Variants in KLHL32 observed in about 807,000 individuals in gnomAD.
The protein encoded by KLHL32 is kelch like family member 32, also known as kelch-like protein 32.
KLHL32 carries 35 observed loss-of-function variants against 64.8 expected under a neutral mutation model. That is an observed-to-expected ratio of 0.54 (90% CI 0.41 to 0.72). The LOEUF is 0.72. Ranked by LOEUF, KLHL32 falls within the 30% of genes least tolerant of loss-of-function variation. The pLI is 0.00. For missense variants in KLHL32, 589 were observed against 768.5 expected, an observed-to-expected ratio of 0.77 and a Z score of 2.76; for synonymous variants, 259 against 281.0, an observed-to-expected ratio of 0.92 and a Z score of 0.78.
intron 6 of KLHL32, among the ~76,000 whole-genome samples, chr6:97,089,483 A>G (rs1793898590): frequency 6.6e-6 from 1 of 152,210 alleles, no homozygotes; most frequent in Non-Finnish European, 1.5e-5. Context: ...ATTTTGTAAG[A>G]ACAGTCCTTT....
chr6:97,075,993 T>C (rs2128168649), intron 5 of KLHL32, among the ~76,000 whole-genome samples: 1 of 152,282 alleles, frequency 6.6e-6, no homozygotes, highest in South Asian at 2.1e-4. Flanking sequence ...AAATTGTATT[T>C]CCCCAAGGAG....
chr6:96,927,245 A>G (rs1769274879), intron 1 of KLHL32, among the ~76,000 whole-genome samples: 1 of 152,120 alleles, frequency 6.6e-6, no homozygotes, highest in Non-Finnish European at 1.5e-5. Flanking sequence ...GTGGAGAAAA[A>G]CTCAGTTGAG....
intron 1 of KLHL32, among the ~76,000 whole-genome samples, chr6:96,964,875 T>G (rs531544720): frequency 6.6e-6 from 1 of 152,282 alleles, no homozygotes; most frequent in South Asian, 2.1e-4. Context: ...CAACTTTTAT[T>G]TTGGATTTAG....
chr6:96,951,484 TG>T (rs1772587072), intron 1 of KLHL32, among the ~76,000 whole-genome samples: 2 of 152,124 alleles, frequency 1.3e-5, no homozygotes, highest in Non-Finnish European at 2.9e-5. Flanking sequence ...TGGGGCATGT[TG>T]GACAGTGCGC....
At chr6:96,975,708 C>T (rs941865008) in intron 2 of KLHL32, among the ~76,000 whole-genome samples, 15 of 152,136 alleles carry the variant, frequency 9.9e-5, no homozygotes, top group Non-Finnish European at 1.9e-4. Flanking sequence ...CTTGCAGGTC[C>T]AGACACCTGG....
chr6:96,904,945 C>T, the KLHL32 span, among the ~76,000 whole-genome samples: 2 of 152,130 alleles, frequency 1.3e-5, no homozygotes, highest in Non-Finnish European at 2.9e-5. Flanking sequence ...ATAACAATTC[C>T]CTGTCTTCTT....
At chr6:96,986,033 C>T (rs1396982111) in intron 3 of KLHL32, among the ~76,000 whole-genome samples, 7 of 152,046 alleles carry the variant, frequency 4.6e-5, no homozygotes, top group Admixed American at 1.3e-4. Flanking sequence ...ATGATGGTGA[C>T]GTACAGATGG....
At chr6:97,121,316 G>A (rs1381356768) in intron 7 of KLHL32, among the ~76,000 whole-genome samples, 1 of 152,144 alleles carries the variant, frequency 6.6e-6, no homozygotes, top group African/African-American at 2.4e-5. Context: ...TGCTTAAATT[G>A]TAAAAAAGAA....
At chr6:96,950,242 C>A (rs1033446038) in intron 1 of KLHL32, among the ~76,000 whole-genome samples, 10 of 149,134 alleles carry the variant, frequency 6.7e-5, no homozygotes, top group Admixed American at 2.0e-4. Flanking sequence ...AAAAAAAAAA[C>A]CATTAGCTCT....
At chr6:96,964,619 G>T (rs995516789) in intron 1 of KLHL32, among the ~76,000 whole-genome samples, 2 of 152,178 alleles carry the variant, frequency 1.3e-5, no homozygotes, top group Admixed American at 6.5e-5. Flanking sequence ...CCCCACTGCA[G>T]TCCAGCCTGG....
At chr6:96,982,227 A>G (rs12523684) in intron 3 of KLHL32, among the ~76,000 whole-genome samples, 71,151 of 151,866 alleles carry the variant, frequency 0.47, 17,267 homozygotes, top group African/African-American at 0.58. Flanking sequence ...TATTAATCTG[A>G]GTGCTCCTGT....
intron 10 of KLHL32, among the ~76,000 whole-genome samples, chr6:97,137,208 T>G (rs1339480717): frequency 6.6e-6 from 1 of 152,116 alleles, no homozygotes. Context: ...TCTAGGAAAG[T>G]AAATGAGTAA....
chr6:96,939,079 C>T (rs1469675699), intron 1 of KLHL32, among the ~76,000 whole-genome samples: 1 of 152,182 alleles, frequency 6.6e-6, no homozygotes, highest in Non-Finnish European at 1.5e-5. Context: ...AGCTAGCAAA[C>T]AACTATGAGA....
chr6:97,078,592 T>C (rs1791970995), intron 5 of KLHL32, among the ~76,000 whole-genome samples: 1 of 151,996 alleles, frequency 6.6e-6, no homozygotes, highest in Admixed American at 6.6e-5. Flanking sequence ...TTGAGAGGAG[T>C]TTATTATCTT....
chr6:96,936,108 A>G (rs918964242), intron 1 of KLHL32, among the ~76,000 whole-genome samples: 11 of 152,236 alleles, frequency 7.2e-5, no homozygotes, highest in Non-Finnish European at 1.5e-4. Context: ...TGGGGCCAGC[A>G]GTAGGACCTT....
At chr6:96,970,667 A>C (rs1472312973) in intron 2 of KLHL32, among the ~76,000 whole-genome samples, 1 of 152,178 alleles carries the variant, frequency 6.6e-6, no homozygotes, top group Admixed American at 6.5e-5. Context: ...GGGGTAAATG[A>C]ATGAGGGAAG....
At chr6:97,014,008 G>A (rs76573989) in intron 3 of KLHL32, among the ~76,000 whole-genome samples, 8,469 of 152,190 alleles carry the variant, frequency 0.056, 451 homozygotes, top group African/African-American at 0.14. Flanking sequence ...TTTTCTCTCT[G>A]TATATGTTTC....
At chr6:96,948,244 C>T (rs1582439760) in intron 1 of KLHL32, among the ~76,000 whole-genome samples, 1 of 152,128 alleles carries the variant, frequency 6.6e-6, no homozygotes, top group East Asian at 1.9e-4. Context: ...GATTCTAATC[C>T]TGGTTCTACC....
intron 3 of KLHL32, chr6:97,025,181 G>T: frequency 4.5e-6 from 4 of 894,896 alleles, no homozygotes; most frequent in Non-Finnish European, 5.4e-6. Context: ...CTGTAGAAAT[G>T]CCATGATTCT....
Sources: gnomAD v4.1 joint callset for allele counts (sites outside exome capture counted in the v4.1 genomes callset) on GRCh38, gnomAD v4.1.1 for gene constraint, MANE v1.5 for transcripts, NCBI Gene and HGNC (gene_info 2026-07-23, HGNC 2026-07-21) for gene names.